ANKS1B: variants seen among roughly 807,000 people sequenced by gnomAD.
The protein encoded by ANKS1B is ankyrin repeat and sterile alpha motif domain containing 1B, also known as ankyrin repeat and sterile alpha motif domain-containing protein 1B.
ANKS1B carries 36 observed loss-of-function variants against 148.3 expected under a neutral mutation model. The observed-to-expected ratio is 0.24, with a 90% CI of 0.19 to 0.32. ANKS1B has a LOEUF of 0.32. Among genes scored for constraint, ANKS1B ranks in the 10% least tolerant of loss-of-function variants. ANKS1B has a pLI of 1.00. For missense variants in ANKS1B, 1,157 were observed against 1,542.6 expected, an observed-to-expected ratio of 0.75 and a Z score of 4.19; for synonymous variants, 542 against 560.8, an observed-to-expected ratio of 0.97 and a Z score of 0.47.
chr12:99,069,068 G>A (rs988705659), intron 16 of ANKS1B, among the ~76,000 whole-genome samples: 1 of 152,158 alleles, frequency 6.6e-6, no homozygotes, highest in Non-Finnish European at 1.5e-5. Context: ...CCCATCTCTG[G>A]ACTTAGCATA....
chr12:98,997,780 T>C (rs1487795571), intron 17 of ANKS1B, among the ~76,000 whole-genome samples: 1 of 152,218 alleles, frequency 6.6e-6, no homozygotes, highest in East Asian at 1.9e-4. Context: ...TCCTGCCACC[T>C]CAGAGAGCTA....
At chr12:99,205,060 C>G (rs941312850) in intron 14 of ANKS1B, among the ~76,000 whole-genome samples, 3 of 151,910 alleles carry the variant, frequency 2.0e-5, no homozygotes, top group African/African-American at 4.8e-5. Flanking sequence ...TGTACCAGGC[C>G]CCCCCCAAAA....
intron 8 of ANKS1B, among the ~76,000 whole-genome samples, chr12:99,706,253 T>C (rs1300135738): frequency 6.6e-6 from 1 of 151,834 alleles, no homozygotes; most frequent in African/African-American, 2.4e-5. Context: ...ATTAGAGACA[T>C]AAAGATAAAT....
intron 19 of ANKS1B, among the ~76,000 whole-genome samples, chr12:98,818,516 T>C (rs1216379670): frequency 6.6e-6 from 1 of 152,142 alleles, no homozygotes; most frequent in Non-Finnish European, 1.5e-5. Context: ...TGCAGGGAAT[T>C]TGAGTCAATT....
chr12:99,458,004 C>T (rs1329464566), intron 10 of ANKS1B, among the ~76,000 whole-genome samples: 1 of 152,028 alleles, frequency 6.6e-6, no homozygotes, highest in East Asian at 1.9e-4. Flanking sequence ...GGACATTCTC[C>T]AAGATAGACC....
intron 12 of ANKS1B, among the ~76,000 whole-genome samples, chr12:99,318,540 G>A (rs2084605416): frequency 6.6e-6 from 1 of 151,930 alleles, no homozygotes; most frequent in Non-Finnish European, 1.5e-5. Flanking sequence ...TTTTTATTGT[G>A]TCTATTTGAT....
At chr12:99,571,892 T>C (rs1403894963) in intron 9 of ANKS1B, among the ~76,000 whole-genome samples, 1 of 152,124 alleles carries the variant, frequency 6.6e-6, no homozygotes, top group Non-Finnish European at 1.5e-5. Context: ...TTTTCCAAAG[T>C]ATTTTACCTG....
chr12:99,358,686 T>C (rs200082625), intron 12 of ANKS1B, among the ~76,000 whole-genome samples: 3 of 149,536 alleles, frequency 2.0e-5, no homozygotes, highest in African/African-American at 7.4e-5. Context: ...TGTGCATGCA[T>C]ACACACACAC....
chr12:99,823,469 C>G (rs1400334702), intron 2 of ANKS1B, among the ~76,000 whole-genome samples: 2 of 152,106 alleles, frequency 1.3e-5, no homozygotes, highest in Non-Finnish European at 2.9e-5. Flanking sequence ...TCGTGCCCAG[C>G]TAATTTTTGT....
At chr12:99,589,185 G>A (rs1489262345) in intron 9 of ANKS1B, among the ~76,000 whole-genome samples, 1 of 152,150 alleles carries the variant, frequency 6.6e-6, no homozygotes, top group Non-Finnish European at 1.5e-5. Flanking sequence ...AAATGTATAT[G>A]GATTTCCAAG....
chr12:99,641,073 A>G (rs2098298596), intron 9 of ANKS1B, among the ~76,000 whole-genome samples: 2 of 152,196 alleles, frequency 1.3e-5, no homozygotes, highest in East Asian at 1.9e-4. Context: ...ATACAAATTA[A>G]CATTGCACAT....
At chr12:98,913,721 G>A (rs2099789976) in intron 17 of ANKS1B, among the ~76,000 whole-genome samples, 1 of 152,078 alleles carries the variant, frequency 6.6e-6, no homozygotes, top group African/African-American at 2.4e-5. Context: ...TCCACCTCCT[G>A]GGTTAAAGTG....
At chr12:99,639,946 C>T (rs550289665) in intron 9 of ANKS1B, among the ~76,000 whole-genome samples, 68 of 152,238 alleles carry the variant, frequency 4.5e-4, no homozygotes, top group Middle Eastern at 3.4e-3. Flanking sequence ...CCAAGGTGGG[C>T]GGACTACCTG....
intron 4 of ANKS1B, among the ~76,000 whole-genome samples, chr12:99,804,483 C>T (rs2067344759): frequency 6.6e-6 from 1 of 152,108 alleles, no homozygotes; most frequent in Non-Finnish European, 1.5e-5. Flanking sequence ...GCAGGCAAAG[C>T]TCTAAAGCAA....
At position 99,940,333 on chromosome 12, in the gene ANKS1B, T is replaced by A. The variant is rs541852289; in HGVS notation, c.134+43771A>T. The stretch of plus-strand genomic sequence containing the variant: ...AAATGTACAATAATGTAAAGCAGTA[T>A]AACCTCTAGATACAATAAGGCACTA... On this transcript the variant is annotated intron_variant, in intron 1 of 26. Transcript: ENST00000683438. Among the ~76,000 whole-genome samples the A allele has an allele frequency of 3.3e-5, 5 of 152,214 alleles. No individual in the cohort carries two copies. The East Asian group carries it at 5.8e-4, about 18-fold the overall frequency.
intron 4 of ANKS1B, among the ~76,000 whole-genome samples, chr12:99,801,992 A>C (rs1163433163): frequency 6.6e-6 from 1 of 152,170 alleles, no homozygotes; most frequent in Non-Finnish European, 1.5e-5. Context: ...GAGGTGTTGA[A>C]GTTTTGGAAT....
At chr12:99,614,399 C>A (rs1472617856) in intron 9 of ANKS1B, among the ~76,000 whole-genome samples, 2 of 139,066 alleles carry the variant, frequency 1.4e-5, no homozygotes, top group Non-Finnish European at 3.0e-5. Flanking sequence ...CACACCACTG[C>A]AATCCAGCCT....
intron 1 of ANKS1B, among the ~76,000 whole-genome samples, chr12:99,841,399 AT>A (rs2085725254): frequency 6.6e-6 from 1 of 152,044 alleles, no homozygotes; most frequent in African/African-American, 2.4e-5. Flanking sequence ...TTTTTTTAAT[AT>A]AATCCTGAAT....
At chr12:99,335,200 T>A (rs1267664325) in intron 12 of ANKS1B, among the ~76,000 whole-genome samples, 3 of 152,018 alleles carry the variant, frequency 2.0e-5, no homozygotes, top group Non-Finnish European at 4.4e-5. Flanking sequence ...GCTTTTAAAA[T>A]TTTTTTCATT....
Sources: allele counts gnomAD v4.1 joint callset (sites outside exome capture counted in the v4.1 genomes callset), GRCh38; gene constraint gnomAD v4.1.1; transcripts MANE v1.5; gene names NCBI Gene and HGNC (gene_info 2026-07-23, HGNC 2026-07-21).